MGAM: variants seen among roughly 807,000 people sequenced by gnomAD.
MGAM encodes the protein alpha-1,4-glucosidase.
Under a neutral mutation model 358.8 loss-of-function variants are expected in MGAM, and 253 were observed. That is an observed-to-expected ratio of 0.71 (90% CI 0.64 to 0.78). The LOEUF (loss-of-function observed/expected upper bound fraction) is 0.78, where lower values mean the gene tolerates loss of function less well. MGAM is among the 30% of genes least tolerant of loss of function. The pLI is 0.00. For missense variants in MGAM, 3,080 were observed against 3,432.6 expected (o/e 0.90, Z 2.57); for synonymous variants, 1,105 against 1,227.1 (o/e 0.90, Z 2.08).
rs944177480 is a variant in MGAM, at chr7:142,100,672, T to C, written c.7875-130T>C. The C allele has an allele frequency of 1.8e-5, 14 of 769,330 alleles. No homozygotes were observed. The East Asian group carries it at 3.7e-4, about 21-fold the overall frequency. 47.7% of individuals were successfully genotyped at this position (769,330 alleles called of 1,614,324 possible). A position where few individuals can be genotyped will look rare whatever the true frequency, so the allele number is the denominator to read the frequency against. The stretch of plus-strand genomic sequence containing the variant: ...CAGAATTAGAACTAAGACACAAGTC[T>C]CTTGAATTCTAGTATGCAGTCTTTA... On this transcript the variant is annotated intron_variant, in intron 67 of 70. Transcript: ENST00000475668.
chr7:142,030,607 G>T (rs781829334), intron 11 of MGAM, 34 bp from the exon 12 acceptor site: 2 of 1,603,500 alleles, frequency 1.2e-6, no homozygotes, highest in Non-Finnish European at 1.7e-6. Flanking sequence ...CCGGTTTCCA[G>T]CTAGTTTGTT....
Position 142,084,624 on chromosome 7 carries a change from G to A in MGAM, c.6487G>A (p.Val2163Met). ...SEISSLYDEM[V>M]AAQIPYDVQY... is the part of the protein sequence containing the mutation. ...GATCTCCAGCTTGTATGATGAGATG[G>A]TGGCTGCCCAGATCCCTTATGTACG... Residue 2163 changes from valine to methionine, a missense_variant, in exon 54 of 71, where the codon GTG becomes ATG. Around this residue, in one of 5 missense-constraint regions of MGAM, gnomAD observed 932 missense variants for 1,198.2 expected, o/e 0.78. Transcript: ENST00000475668. 1 of 1,556,292 alleles carries A rather than the reference G, an allele frequency of 6.4e-7. No homozygotes were observed. The highest frequency in any genetic ancestry group is 2.3e-5 in the East Asian group (1 of 43,950).
At chr7:142,032,364 AG>A (rs2129004735) in intron 13 of MGAM, among the ~76,000 whole-genome samples, 1 of 152,288 alleles carries the variant, frequency 6.6e-6, no homozygotes, top group African/African-American at 2.4e-5. Flanking sequence ...AAAAGATAAA[AG>A]CAAAAATCCT....
At chr7:142,023,100 C>A (rs576123968) in intron 7 of MGAM, among the ~76,000 whole-genome samples, 52 of 152,180 alleles carry the variant, frequency 3.4e-4, no homozygotes, top group African/African-American at 1.2e-3. Context: ...CTCACTGTCA[C>A]CCAGGCTGAA....
chr7:142,022,438 G>A lies in MGAM; in HGVS notation c.881G>A (p.Gly294Glu). ...PIFNRDTTPN[G>E]NGTNLYGAQT... ...TTTAACAGAGACACAACTCCCAATGGAGTAAGCTTTCAAATGGGCCCCTTT... is the reference window on the plus strand; with the variant it reads ...TTTAACAGAGACACAACTCCCAATGAAGTAAGCTTTCAAATGGGCCCCTTT... The change falls in exon 7 of 71, where the codon GGA (glycine) becomes GAA (glutamate). Residue 294 changes from glycine (G) to glutamate (E), a missense_variant and splice_region_variant. By Grantham distance (98) the Gly-to-Glu change is moderately conservative. This residue lies in a region of MGAM where 1,816 missense variants were observed against 1,840.5 expected (regional missense o/e 0.99). Transcript: ENST00000475668. The A allele has an allele frequency of 6.2e-7, 1 of 1,612,176 alleles. No individual in the cohort carries two copies. Among genetic ancestry groups the A allele is most frequent in the East Asian group, 2.2e-5 (1 of 44,842 alleles).
intron 16 of MGAM, among the ~76,000 whole-genome samples, chr7:142,035,519 T>A (rs185179109): frequency 6.6e-6 from 1 of 152,292 alleles, no homozygotes; most frequent in East Asian, 1.9e-4. Flanking sequence ...CAAGGACACT[T>A]CATGGAAAAG....
intron 3 of MGAM, among the ~76,000 whole-genome samples, chr7:142,011,902 C>A (rs1405086198): frequency 1.3e-5 from 2 of 152,046 alleles, no homozygotes; most frequent in Non-Finnish European, 2.9e-5. Context: ...AAGTGGCCAG[C>A]CTAACAAGCT....
In MGAM at chr7:142,078,336, A is replaced by T. The variant is rs1244718844; in HGVS notation, c.5512A>T (p.Ile1838Phe). The change falls in exon 48 of 71, where the codon ATC (isoleucine) becomes TTC (phenylalanine). Residue 1838 changes from isoleucine to phenylalanine, a missense_variant. Ile to Phe is a conservative substitution (Grantham distance 21). This residue lies in a region of MGAM where 932 missense variants were observed against 1,198.2 expected (regional missense o/e 0.78). Transcript: ENST00000475668. ...CCTACAGGTCGCCATTATCACAGAC[A>T]TCAATCTTTTCCTGGGAGAAGCATA... Reference protein sequence around the residue: ...SNLKVAIITDINLFLGEAYTV... With the variant: ...SNLKVAIITDFNLFLGEAYTV... 2.7e-6 allele frequency: 4 copies of T among 1,488,366 alleles called. No homozygotes were observed. Among genetic ancestry groups the T allele is most frequent in the Admixed American group, 2.0e-5 (1 of 49,772 alleles). 92.2% of individuals were successfully genotyped at this position (1,488,366 alleles called of 1,614,324 possible). A position where few individuals can be genotyped will look rare whatever the true frequency, so the allele number is the denominator to read the frequency against.
chr7:142,060,094 G>A (rs1811982265), intron 33 of MGAM, 128 bp downstream of exon 33: 1 of 1,280,300 alleles, frequency 7.8e-7, no homozygotes. Flanking sequence ...TCTGAGGTCA[G>A]AAGCTCTCCT....
chr7:142,033,639 G>A (rs1049211670), intron 14 of MGAM, among the ~76,000 whole-genome samples: 4 of 152,176 alleles, frequency 2.6e-5, no homozygotes, highest in African/African-American at 9.7e-5. Flanking sequence ...TACTCTTTTG[G>A]TGTTAGAAGC....
In MGAM at chr7:142,085,001, T is replaced by C. The variant is rs1712219130; in HGVS notation, c.6507+357T>C. Among the ~76,000 whole-genome samples the C allele has an allele frequency of 1.4e-5, 2 of 146,630 alleles. 1 individual carries two copies. The highest frequency in any genetic ancestry group is 3.1e-5 in the Non-Finnish European group (2 of 64,686). ...ATCCACAGTTCTTTTACTTAATTCC[T>C]GAAAAAAACTAACCCCAAACCATCA... On this transcript the variant is annotated intron_variant, in intron 54 of 70. Coordinates refer to ENST00000475668, the MANE Select transcript of MGAM (RefSeq NM_001365693.1).
At chr7:142,062,283 G>A (rs536011513) in intron 34 of MGAM, among the ~76,000 whole-genome samples, 23 of 152,162 alleles carry the variant, frequency 1.5e-4, no homozygotes, top group African/African-American at 3.9e-4. Flanking sequence ...GTTGGGCATC[G>A]AGTGCATGAG....
intron 64 of MGAM, 110 bp downstream of exon 64, chr7:142,095,823 C>T (rs1815855839): frequency 8.1e-6 from 12 of 1,489,900 alleles, no homozygotes; most frequent in Non-Finnish European, 1.1e-5. Context: ...GACATGAGCT[C>T]TTCAGGTGCA....
At chr7:142,060,215 G>C in intron 33 of MGAM, 96 bp from the exon 34 acceptor site, 4 of 1,511,644 alleles carry the variant, frequency 2.6e-6, no homozygotes, top group Non-Finnish European at 3.7e-6. Context: ...AAGTATTATT[G>C]CTCCTAGGAG....
rs1293428943 is a variant in MGAM at position 142,090,247 on chromosome 7, T to TC, written c.6811-1666_6811-1665insC. On this transcript the variant is annotated intron_variant, in intron 57 of 70. Transcript: ENST00000475668. ...TTGGAAGGGGTCATCCGAGCAGTACTTAGGGAAGTTCCTACATCATGGCTG... is the reference window on the plus strand; with the variant it reads ...TTGGAAGGGGTCATCCGAGCAGTACTCTAGGGAAGTTCCTACATCATGGCTG... 2.7e-5 allele frequency among the ~76,000 whole-genome samples: 4 copies of TC among 145,878 alleles called. 1 individual carries two copies. The East Asian group carries it at 8.1e-4, about 29-fold the overall frequency.
intron 21 of MGAM, among the ~76,000 whole-genome samples, chr7:142,043,800 AC>A (rs1438939714): frequency 4.1e-5 from 4 of 97,634 alleles, no homozygotes; most frequent in East Asian, 2.7e-4. Context: ...TATAATATAT[AC>A]ATTATATACA....
rs1318907405 is a variant in MGAM, at chr7:142,020,978, C to T, written c.453C>T (p.Phe151=). ...EGNLVNTNAG[F]TARLKNLPSS... Reference sequence around the variant, plus strand: ...CTTTTTTTTCTCCTATGTTAGGATTCACAGCCCGGTTGAAAAATCTGCCTT... The same window carrying T: ...CTTTTTTTTCTCCTATGTTAGGATTTACAGCCCGGTTGAAAAATCTGCCTT... The change falls in exon 5 of 71, where the codon TTC becomes TTT. Residue 151 remains phenylalanine (F), a synonymous_variant. Transcript: ENST00000475668. The T allele has an allele frequency of 6.2e-7, 1 of 1,609,886 alleles. No homozygotes were observed. Among genetic ancestry groups the T allele is most frequent in the Admixed American group, 1.7e-5 (1 of 59,662 alleles).
At chr7:142,036,050 C>A in intron 16 of MGAM, 119 bp from the exon 17 acceptor site, 2 of 706,462 alleles carry the variant, frequency 2.8e-6, no homozygotes, top group East Asian at 2.8e-5. Context: ...TTTTGACCAC[C>A]CTCCTAGCCT....
At chr7:142,008,361 C>T (rs1397905976) in intron 2 of MGAM, 145 bp from the exon 3 acceptor site, 7 of 838,758 alleles carry the variant, frequency 8.3e-6, no homozygotes, top group Non-Finnish European at 1.3e-5. Context: ...AACAAAGTGA[C>T]ATTTTATAAA....
Sources: allele counts gnomAD v4.1 joint callset (sites outside exome capture counted in the v4.1 genomes callset), GRCh38; gene constraint gnomAD v4.1.1; regional missense constraint gnomAD v4.1.1; transcripts MANE v1.5; gene names NCBI Gene and HGNC (gene_info 2026-07-23, HGNC 2026-07-21).